CNTNAP2: variants seen among roughly 807,000 people sequenced by gnomAD.
CNTNAP2 encodes the protein contactin-associated protein-like 2.
CNTNAP2 carries 98 observed loss-of-function variants against 155.2 expected under a neutral mutation model. The ratio of observed to expected loss-of-function variants is 0.63; its 90% confidence interval spans 0.54 to 0.75. The LOEUF is 0.75. Ranked by LOEUF, CNTNAP2 falls within the 30% of genes least tolerant of loss-of-function variation. The pLI, the probability that CNTNAP2 is intolerant of heterozygous loss-of-function variation, is 0.00. For missense variants in CNTNAP2, 1,727 were observed against 1,688.1 expected, an observed-to-expected ratio of 1.02 and a Z score of -0.40; for synonymous variants, 651 against 631.2, an observed-to-expected ratio of 1.03 and a Z score of -0.47.
intron 2 of CNTNAP2, chr7:146,782,315 G>A (rs1802505581): frequency 6.6e-6 from 1 of 152,160 alleles, no homozygotes; most frequent in Non-Finnish European, 1.5e-5. Flanking sequence ...CAAAGAACTG[G>A]TTTCCTAATG....
intron 3 of CNTNAP2, among the ~76,000 whole-genome samples, chr7:146,947,298 A>G (rs1392713807): frequency 2.0e-5 from 3 of 150,862 alleles, no homozygotes; most frequent in African/African-American, 7.3e-5. Flanking sequence ...AGCTTCTCAA[A>G]TTGTCATTAG....
At chr7:146,821,972 G>T (rs935867206) in intron 2 of CNTNAP2, among the ~76,000 whole-genome samples, 24 of 151,768 alleles carry the variant, frequency 1.6e-4, no homozygotes, top group African/African-American at 5.6e-4. Context: ...CCATTACTGG[G>T]TATATACCCA....
At chr7:148,160,735 G>T (rs1430268403) in intron 17 of CNTNAP2, among the ~76,000 whole-genome samples, 2 of 152,144 alleles carry the variant, frequency 1.3e-5, no homozygotes, top group African/African-American at 4.8e-5. Flanking sequence ...ATTGATGAAG[G>T]TGTTGTTTTT....
chr7:147,716,429 A>T (rs1162992868), intron 13 of CNTNAP2, among the ~76,000 whole-genome samples: 1 of 152,122 alleles, frequency 6.6e-6, no homozygotes. Flanking sequence ...TAGGGCACAA[A>T]AAAACTGGTT....
chr7:147,378,060 G>A (rs553846322), intron 9 of CNTNAP2: 78 of 465,772 alleles, frequency 1.7e-4, no homozygotes, highest in African/African-American at 1.3e-3. Flanking sequence ...TACAGTTTTT[G>A]TCATTACTTT....
intron 9 of CNTNAP2, among the ~76,000 whole-genome samples, chr7:147,353,990 T>C (rs2116883664): frequency 6.6e-6 from 1 of 152,260 alleles, no homozygotes; most frequent in East Asian, 1.9e-4. Context: ...ATGTTTTTTT[T>C]TTTCTTGTAA....
intron 4 of CNTNAP2, among the ~76,000 whole-genome samples, chr7:147,101,913 A>G (rs2215341): frequency 0.47 from 71,205 of 151,936 alleles, 17,459 homozygotes; most frequent in African/African-American, 0.62. Context: ...GCAGGAAAAC[A>G]GGATAACTGT....
At chr7:147,332,166 A>C (rs1795582046) in intron 9 of CNTNAP2, among the ~76,000 whole-genome samples, 1 of 152,204 alleles carries the variant, frequency 6.6e-6, no homozygotes, top group African/African-American at 2.4e-5. Context: ...ATTAATGAAG[A>C]AGGGCCAAGA....
intron 1 of CNTNAP2, among the ~76,000 whole-genome samples, chr7:146,282,429 C>T (rs1288773995): frequency 6.6e-6 from 1 of 152,188 alleles, no homozygotes; most frequent in African/African-American, 2.4e-5. Context: ...CAGAGACTTT[C>T]CAAACCTGCC....
chr7:147,926,352 A>G (rs943777667), intron 14 of CNTNAP2, among the ~76,000 whole-genome samples: 1 of 152,186 alleles, frequency 6.6e-6, no homozygotes, highest in Non-Finnish European at 1.5e-5. Flanking sequence ...AATTTAGTGA[A>G]TTTATAATAG....
intron 1 of CNTNAP2, among the ~76,000 whole-genome samples, chr7:146,181,267 G>A (rs1463994361): frequency 1.3e-5 from 2 of 152,068 alleles, no homozygotes; most frequent in Admixed American, 1.3e-4. Context: ...AAGGAGGTTA[G>A]GATTTAGGAG....
intron 1 of CNTNAP2, among the ~76,000 whole-genome samples, chr7:146,269,279 G>A (rs1800043027): frequency 6.6e-6 from 1 of 152,186 alleles, no homozygotes; most frequent in Non-Finnish European, 1.5e-5. Flanking sequence ...GGTGGAGGTT[G>A]CAGTGAGCTG....
chr7:146,658,384 CAAAAA>C (rs200493732), intron 1 of CNTNAP2, among the ~76,000 whole-genome samples: 1 of 139,676 alleles, frequency 7.2e-6, no homozygotes, highest in Non-Finnish European at 1.6e-5. Flanking sequence ...TGATTTCTGC[CAAAAA>C]AAAAAAAAAT....
intron 13 of CNTNAP2, among the ~76,000 whole-genome samples, chr7:147,857,975 A>G (rs1409540224): frequency 1.3e-5 from 2 of 152,224 alleles, no homozygotes; most frequent in Non-Finnish European, 2.9e-5. Context: ...CTAACTACAC[A>G]GTACGATCTT....
chr7:147,511,917 G>A (rs545581743), intron 11 of CNTNAP2, among the ~76,000 whole-genome samples: 3 of 152,156 alleles, frequency 2.0e-5, no homozygotes, highest in African/African-American at 7.2e-5. Flanking sequence ...AGGTGCCAAC[G>A]TAAACCTAGA....
At chr7:148,321,721 AT>A (rs1338586755) in intron 21 of CNTNAP2, among the ~76,000 whole-genome samples, 2 of 152,144 alleles carry the variant, frequency 1.3e-5, no homozygotes, top group African/African-American at 2.4e-5. Context: ...GGCAAATAAT[AT>A]TTTAATGTTT....
chr7:147,311,493 G>C (rs548449552), intron 9 of CNTNAP2, among the ~76,000 whole-genome samples: 1 of 152,262 alleles, frequency 6.6e-6, no homozygotes, highest in Non-Finnish European at 1.5e-5. Context: ...TGTTCAGACT[G>C]AGGGCAGTCC....
At chr7:147,284,657 C>T (rs1805136486) in intron 8 of CNTNAP2, among the ~76,000 whole-genome samples, 2 of 151,766 alleles carry the variant, frequency 1.3e-5, no homozygotes, top group Admixed American at 6.6e-5. Flanking sequence ...ACATTTATAT[C>T]CTAATATGTG....
chr7:146,656,161 A>G (rs911968265), intron 1 of CNTNAP2, among the ~76,000 whole-genome samples: 32 of 152,336 alleles, frequency 2.1e-4, no homozygotes, highest in African/African-American at 7.0e-4. Context: ...CTGGTTCTGC[A>G]TGTTTCAACG....
Sources: allele counts gnomAD v4.1 joint callset (sites outside exome capture counted in the v4.1 genomes callset), GRCh38; gene constraint gnomAD v4.1.1; transcripts MANE v1.5; gene names NCBI Gene and HGNC (gene_info 2026-07-23, HGNC 2026-07-21).